The following TTC39C variants were observed in gnomAD, a reference collection of about 807,000 sequenced individuals.
TTC39C encodes the protein tetratricopeptide repeat domain 39C.
Under a neutral mutation model 76.3 loss-of-function variants are expected in TTC39C, and 33 were observed. The ratio of observed to expected loss-of-function variants is 0.43; its 90% CI spans 0.33 to 0.58. The LOEUF (loss-of-function observed/expected upper bound fraction) is 0.58. Ranked by LOEUF, TTC39C falls within the 20% of genes least tolerant of loss-of-function variation. The probability of loss-of-function intolerance (pLI) is 0.04; values close to 1 mark genes in which losing one functional copy is unlikely to be tolerated. For missense variants in TTC39C, 595 were observed against 701.4 expected (o/e 0.85, Z 1.71); for synonymous variants, 254 against 260.6 (o/e 0.97, Z 0.24).
At chr18:24,035,578 TG>T (rs1223860580) in intron 1 of TTC39C, among the ~76,000 whole-genome samples, 3 of 152,246 alleles carry the variant, frequency 2.0e-5, no homozygotes, top group Non-Finnish European at 4.4e-5. Flanking sequence ...ATATATTCTT[TG>T]GAGAAATGTT....
At chr18:24,122,066 T>C (rs939349926) in intron 8 of TTC39C, among the ~76,000 whole-genome samples, 5 of 152,200 alleles carry the variant, frequency 3.3e-5, no homozygotes, top group Admixed American at 1.3e-4. Flanking sequence ...TTTCCCATTG[T>C]CTTTGCATCC....
At chr18:24,059,094 G>T (rs760874359) in intron 1 of TTC39C, among the ~76,000 whole-genome samples, 4 of 152,132 alleles carry the variant, frequency 2.6e-5, no homozygotes, top group Non-Finnish European at 4.4e-5. Context: ...TGACTGAAAA[G>T]AAATTCTTAA....
At chr18:24,073,851 C>T (rs1324022927) in intron 4 of TTC39C, among the ~76,000 whole-genome samples, 1 of 152,156 alleles carries the variant, frequency 6.6e-6, no homozygotes, top group East Asian at 1.9e-4. Context: ...TTACTTATAC[C>T]CTGTACATCA....
intron 6 of TTC39C, chr18:24,113,702 A>C (rs1411303867): frequency 2.8e-6 from 2 of 702,308 alleles, no homozygotes; most frequent in Non-Finnish European, 5.2e-6. Context: ...GCCTAAGATT[A>C]AACTGATGCT....
At chr18:24,027,137 C>G (rs1415327436) in intron 1 of TTC39C, among the ~76,000 whole-genome samples, 1 of 151,984 alleles carries the variant, frequency 6.6e-6, no homozygotes, top group East Asian at 1.9e-4. Context: ...ACTAAAAATA[C>G]AAAAATTAGC....
intron 6 of TTC39C, among the ~76,000 whole-genome samples, chr18:24,085,927 G>A (rs1014049562): frequency 6.6e-5 from 10 of 152,166 alleles, no homozygotes; most frequent in African/African-American, 9.7e-5. Flanking sequence ...AGACAGCAGC[G>A]TTTCATTGCT....
chr18:24,117,889 C>A (rs1331008020), intron 7 of TTC39C, among the ~76,000 whole-genome samples: 2 of 152,144 alleles, frequency 1.3e-5, no homozygotes, highest in Non-Finnish European at 2.9e-5. Context: ...ATGCCATTCT[C>A]TTCTGTGCTG....
intron 1 of TTC39C, among the ~76,000 whole-genome samples, chr18:24,026,932 A>G (rs997576070): frequency 6.6e-6 from 1 of 152,216 alleles, no homozygotes; most frequent in African/African-American, 2.4e-5. Context: ...ACAGGACAGG[A>G]CAAAAAGAGG....
At chr18:24,030,586 G>A (rs1302899882) in intron 1 of TTC39C, among the ~76,000 whole-genome samples, 1 of 149,640 alleles carries the variant, frequency 6.7e-6, no homozygotes, top group Non-Finnish European at 1.5e-5. Context: ...CTGTTCGTGT[G>A]TCACTGTGTC....
chr18:24,134,132 G>A lies in TTC39C; in HGVS notation c.*1558G>A, dbSNP rs1201953738. ...GTGTATTCACATTGACTTTCTCCCT[G>A]ATGTGAATTCCGTGTGGGTTTTAGA... On this transcript the variant is annotated 3_prime_UTR_variant, in exon 14 of 14. Transcript: ENST00000317571. 6.5e-6 allele frequency: 1 copy of A among 154,564 alleles called. No homozygotes were observed. Among genetic ancestry groups the A allele is most frequent in the Non-Finnish European group, 1.5e-5 (1 of 68,188 alleles). The allele number at this position is 154,564 out of a possible 1,614,324, so 9.6% of individuals were successfully genotyped here.
intron 6 of TTC39C, among the ~76,000 whole-genome samples, chr18:24,083,647 A>G (rs2084404521): frequency 6.6e-6 from 1 of 152,194 alleles, no homozygotes; most frequent in Non-Finnish European, 1.5e-5. Flanking sequence ...TGTTATAGAA[A>G]AAATAAACAG....
chr18:24,118,258 T>C (rs893571107), intron 8 of TTC39C, 26 bp downstream of exon 8: 6 of 1,578,120 alleles, frequency 3.8e-6, no homozygotes, highest in Non-Finnish European at 5.2e-6. Context: ...TCCCTCAGTG[T>C]GCCTCTCTCT....
At chr18:24,038,117 C>T (rs1287084378) in intron 1 of TTC39C, among the ~76,000 whole-genome samples, 2 of 152,018 alleles carry the variant, frequency 1.3e-5, no homozygotes, top group African/African-American at 4.8e-5. Context: ...TGTTTAAAGT[C>T]GAGTCCTCTT....
At chr18:24,024,213 A>G (rs11082891) in intron 1 of TTC39C, among the ~76,000 whole-genome samples, 140,772 of 148,774 alleles carry the variant, frequency 0.95, 66,946 homozygotes, top group East Asian at 1. Context: ...GGGTTTCGCT[A>G]TATTGGTCAG....
intron 6 of TTC39C, among the ~76,000 whole-genome samples, chr18:24,107,665 G>A (rs1047984766): frequency 2.6e-5 from 4 of 152,236 alleles, no homozygotes; most frequent in Non-Finnish European, 5.9e-5. Context: ...CCCCAGCCAT[G>A]TGGAACTGTG....
At chr18:24,130,530 T>C (rs2085113265) in intron 12 of TTC39C, 113 bp downstream of exon 12, 1 of 287,490 alleles carries the variant, frequency 3.5e-6, no homozygotes, top group Non-Finnish European at 6.0e-6. Context: ...CACAGTGTTC[T>C]TCATTTTGTT....
At chr18:24,114,821 T>A (rs1309771007) in intron 7 of TTC39C, 174 bp downstream of exon 7, 3 of 529,838 alleles carry the variant, frequency 5.7e-6, no homozygotes, top group East Asian at 3.2e-5. Flanking sequence ...TCTCATTACG[T>A]TTTTATAACA....
intron 1 of TTC39C, among the ~76,000 whole-genome samples, chr18:24,003,143 T>G (rs2083326773): frequency 1.3e-5 from 2 of 152,228 alleles, no homozygotes; most frequent in South Asian, 4.2e-4. Context: ...CTCTCTATAC[T>G]CTAGAACAAC....
intron 6 of TTC39C, among the ~76,000 whole-genome samples, chr18:24,112,591 G>A (rs987803627): frequency 6.6e-6 from 1 of 152,112 alleles, no homozygotes; most frequent in Non-Finnish European, 1.5e-5. Flanking sequence ...TCCAGAGCCT[G>A]TCCCTGGCAC....
Sources: gnomAD v4.1 joint callset for allele counts (sites outside exome capture counted in the v4.1 genomes callset) on GRCh38, gnomAD v4.1.1 for gene constraint, MANE v1.5 for transcripts, NCBI Gene and HGNC (gene_info 2026-07-23, HGNC 2026-07-21) for gene names.